Variants in ZFP90 observed in about 807,000 individuals in gnomAD.
ZFP90 encodes the protein ZFP90 zinc finger protein.
In ZFP90, 38 loss-of-function variants were observed where a neutral mutation model predicts 60.8. That is an observed-to-expected ratio of 0.62 (90% CI 0.48 to 0.82). ZFP90 has a LOEUF of 0.82. Ranked by LOEUF, ZFP90 falls within the 40% of genes least tolerant of loss-of-function variation. ZFP90 has a pLI of 0.00. For missense variants in ZFP90, 711 were observed against 759.1 expected (o/e 0.94, Z 0.74); for synonymous variants, 287 against 264.8 (o/e 1.08, Z -0.82).
chr16:68,556,775 AT>A (rs1266282308), intron 2 of ZFP90, among the ~76,000 whole-genome samples: 2 of 152,202 alleles, frequency 1.3e-5, no homozygotes, highest in Non-Finnish European at 2.9e-5. Flanking sequence ...TAGCAGGAAA[AT>A]TAAACACAAA....
chr16:68,536,192 G>A (rs2090959489), upstream of ZFP90, among the ~76,000 whole-genome samples: 2 of 152,164 alleles, frequency 1.3e-5, no homozygotes, highest in Non-Finnish European at 2.9e-5. Flanking sequence ...TAAAACCTCT[G>A]CTCTCCTGGG....
upstream of ZFP90, among the ~76,000 whole-genome samples, chr16:68,536,469 CATT>C (rs1400375937): frequency 6.6e-6 from 1 of 151,994 alleles, no homozygotes; most frequent in Non-Finnish European, 1.5e-5. Flanking sequence ...CCACACCTGG[CATT>C]ATTATTACTA....
At chr16:68,533,486 C>T (rs1188203565) in intron 1 of ZFP90, among the ~76,000 whole-genome samples, 4 of 152,094 alleles carry the variant, frequency 2.6e-5, no homozygotes, top group Admixed American at 2.0e-4. Context: ...TTTCTTTGTT[C>T]ACTGTTTCCT....
chr16:68,555,983 TTATTA>T (rs2091337314), intron 2 of ZFP90, among the ~76,000 whole-genome samples: 3 of 152,158 alleles, frequency 2.0e-5, no homozygotes, highest in Admixed American at 6.5e-5. Flanking sequence ...TTGCCATACT[TTATTA>T]TATACTTTCT....
downstream of ZFP90, chr16:68,567,154 A>C (rs2091541268): frequency 1.0e-6 from 1 of 985,584 alleles, no homozygotes; most frequent in African/African-American, 1.7e-5. Flanking sequence ...TGTCGTTTTC[A>C]ATTTTCAGAA....
Position 68,563,664 on chromosome 16 carries a change from C to T in ZFP90, c.877C>T (p.His293Tyr). 6.2e-7 allele frequency: 1 copy of T among 1,614,130 alleles called. No individual in the cohort carries two copies. The highest frequency in any genetic ancestry group is 8.5e-7 in the Non-Finnish European group (1 of 1,180,024). ...CAATGTATGTGGAAAGGCCTTCAGG[C>T]ATAGCTCATCTCTTGGTCAGCATGA... ...ECNVCGKAFRHSSSLGQHENA... is the reference protein window; with the variant it reads ...ECNVCGKAFRYSSSLGQHENA... Residue 293 changes from histidine (H) to tyrosine (Y), a missense_variant, in exon 5 of 5, where the codon CAT becomes TAT. By Grantham distance (83) the His-to-Tyr change is moderately conservative. Coordinates refer to ENST00000563169, the MANE Select transcript of ZFP90 (RefSeq NM_001305203.2).
chr16:68,558,356 C>T (rs1296769007), intron 3 of ZFP90, 117 bp from the exon 4 acceptor site: 1 of 1,160,726 alleles, frequency 8.6e-7, no homozygotes, highest in Non-Finnish European at 1.3e-6. Context: ...CCTTAAGTTG[C>T]ACCTTTTTTT....
chr16:68,539,495 C>T lies in ZFP90; in HGVS notation c.-36+16C>T. The T allele has an allele frequency of 6.5e-6, 3 of 462,838 alleles. No individual in the cohort carries two copies. The highest frequency in any genetic ancestry group is 4.0e-5 in the South Asian group (1 of 25,096). 28.7% of individuals were successfully genotyped at this position (462,838 alleles called of 1,614,324 possible). A position where few individuals can be genotyped will look rare whatever the true frequency, so the allele number is the denominator to read the frequency against. On this transcript the variant is annotated intron_variant, in intron 1 of 4. Transcript: ENST00000563169. ...GTGATTCTGAGTGCGCGGGTCTGGG[C>T]GGGACCCCTCCTGGGTTTGGCGGGT...
At chr16:68,555,473 C>T (rs2091328178) in intron 2 of ZFP90, among the ~76,000 whole-genome samples, 3 of 152,166 alleles carry the variant, frequency 2.0e-5, no homozygotes, top group Admixed American at 1.3e-4. Context: ...GAAGGGGCCA[C>T]TCCTGCCTTC....
intron 2 of ZFP90, among the ~76,000 whole-genome samples, chr16:68,542,707 C>T (rs548736018): frequency 5.3e-5 from 8 of 152,284 alleles, no homozygotes; most frequent in African/African-American, 1.7e-4. Flanking sequence ...TTCTTTGTAA[C>T]ACCAGCTGTG....
In ZFP90 at chr16:68,564,201, CA is replaced by C. The variant is rs1567411695; in HGVS notation, c.1415del (p.His472LeufsTer42). The C allele has an allele frequency of 6.2e-7, 1 of 1,614,036 alleles. No individual in the cohort carries two copies. The highest frequency in any genetic ancestry group is 8.5e-7 in the Non-Finnish European group (1 of 1,179,992). On this transcript the variant is annotated frameshift_variant, in exon 5 of 5. Transcript: ENST00000563169. LOFTEE classifies it high-confidence loss of function. ...AGACTTTACTGACCATCAGAGGATC[CA>C]TACTGCAGAGAACCCCTATGATTGT... ...ITDFTDHQRI[H>X]TAENPYDCEQ...
At chr16:68,557,970 C>T (rs1443190944) in intron 2 of ZFP90, 28 bp from the exon 3 acceptor site, 1 of 1,612,640 alleles carries the variant, frequency 6.2e-7, no homozygotes, top group Non-Finnish European at 8.5e-7. Flanking sequence ...GGGTTGATCC[C>T]CAGTTGAACA....
At chr16:68,574,159 C>T (rs765394942) in intron 2 of ZFP90, 6 of 125,530 alleles carry the variant, frequency 4.8e-5, no homozygotes, top group East Asian at 2.7e-4. Context: ...GGACAAAGTG[C>T]GGATAAGTTG....
At position 68,563,860 on chromosome 16, in the gene ZFP90, T is replaced by C; in HGVS notation, c.1073T>C (p.Val358Ala). The stretch of plus-strand genomic sequence containing the variant: ...GGCACATCCCTCACTCAACACGAGG[T>C]CACACACAGTGGAGAGAAGCCCTTC... ...RHGTSLTQHE[V>A]THSGEKPFQC... Residue 358 changes from valine (V) to alanine (A), a missense_variant, in exon 5 of 5, where the codon GTC becomes GCC. By Grantham distance (64) the Val-to-Ala change is moderately conservative. This residue lies in a region of ZFP90 where 146 missense variants were observed against 201.4 expected (regional missense o/e 0.73). Transcript: ENST00000563169. 1 of 1,613,916 alleles carries C rather than the reference T, an allele frequency of 6.2e-7. No homozygotes were observed.
rs1057278694 is a variant in ZFP90 at position 68,566,061 on chromosome 16, G to C, written c.*1363G>C. 2.7e-5 allele frequency: 26 copies of C among 948,180 alleles called. No homozygotes were observed. The highest frequency in any genetic ancestry group is 3.3e-5 in the Non-Finnish European group (26 of 796,026). 58.7% of individuals were successfully genotyped at this position (948,180 alleles called of 1,614,324 possible). On this transcript the variant is annotated 3_prime_UTR_variant, in exon 5 of 5. Transcript: ENST00000563169. Reference sequence around the variant, plus strand: ...AGGTGGGAGGATCACTGGAACCCGGGAGCAGAGACTGCAGTGAGCTGAGAT... The same window carrying C: ...AGGTGGGAGGATCACTGGAACCCGGCAGCAGAGACTGCAGTGAGCTGAGAT...
chr16:68,558,937 A>G (rs903889842), intron 4 of ZFP90, among the ~76,000 whole-genome samples: 4 of 152,100 alleles, frequency 2.6e-5, no homozygotes, highest in African/African-American at 9.7e-5. Context: ...ACTTGTAGGA[A>G]ACACCCACAG....
At chr16:68,550,223 C>G (rs1597727233) in intron 2 of ZFP90, among the ~76,000 whole-genome samples, 1 of 152,014 alleles carries the variant, frequency 6.6e-6, no homozygotes, top group Non-Finnish European at 1.5e-5. Flanking sequence ...TACATTCTTT[C>G]CTTGATAGTA....
Position 68,564,345 on chromosome 16 carries a change from A to G in ZFP90, c.1558A>G (p.Thr520Ala). 6.2e-7 allele frequency: 1 copy of G among 1,614,150 alleles called. No individual in the cohort carries two copies. The highest frequency in any genetic ancestry group is 1.1e-5 in the South Asian group (1 of 91,078). ...TTTCATAGAGCATCACAGAATTCAT[A>G]CTGGAGAGAAACCCTATGAATGTAA... The part of the protein sequence containing the change: ...TSFIEHHRIH[T>A]GEKPYECNEC... The change falls in exon 5 of 5, where the codon ACT (threonine) becomes GCT (alanine). Residue 520 changes from threonine (T) to alanine (A), a missense_variant. Around this residue, in one of 5 missense-constraint regions of ZFP90, gnomAD observed 295 missense variants for 274.0 expected, o/e 1.08. Coordinates refer to ENST00000563169, the MANE Select transcript of ZFP90 (RefSeq NM_001305203.2).
chr16:68,535,427 G>A (rs943915848), upstream of ZFP90: 1 of 152,280 alleles, frequency 6.6e-6, no homozygotes, highest in East Asian at 1.9e-4. Context: ...GGTGGGGAGT[G>A]TCTCCTATTA....
Sources: allele counts gnomAD v4.1 joint callset (sites outside exome capture counted in the v4.1 genomes callset), GRCh38; gene constraint gnomAD v4.1.1; regional missense constraint gnomAD v4.1.1; transcripts MANE v1.5; gene names NCBI Gene and HGNC (gene_info 2026-07-23, HGNC 2026-07-21).